The following SEMA3E variants were observed in gnomAD, a reference collection of about 807,000 sequenced individuals.
SEMA3E encodes the protein semaphorin-3E.
In SEMA3E, 49 loss-of-function variants were observed where a neutral mutation model predicts 93.6. The observed-to-expected ratio is 0.52, with a 90% CI of 0.42 to 0.66. The LOEUF (loss-of-function observed/expected upper bound fraction) is 0.66. Among genes scored for constraint, SEMA3E ranks in the 30% least tolerant of loss-of-function variants. SEMA3E has a pLI of 0.00. For missense variants in SEMA3E, 906 were observed against 964.8 expected, an observed-to-expected ratio of 0.94 and a Z score of 0.81; for synonymous variants, 363 against 330.7, an observed-to-expected ratio of 1.10 and a Z score of -1.06.
At chr7:83,458,973 G>A (rs2465296) in intron 4 of SEMA3E, among the ~76,000 whole-genome samples, 126 of 140,600 alleles carry the variant, frequency 9.0e-4, no homozygotes, top group East Asian at 4.3e-3. Flanking sequence ...GTGTGTGTGT[G>A]TATATATATA....
intron 6 of SEMA3E, among the ~76,000 whole-genome samples, 198 bp from the exon 7 acceptor site, chr7:83,407,437 C>T (rs1347336683): frequency 6.6e-6 from 1 of 151,788 alleles, no homozygotes; most frequent in African/African-American, 2.4e-5. Context: ...TATTAACAGC[C>T]CTTTTAGAAA....
At position 83,407,119 on chromosome 7, in the gene SEMA3E, G is replaced by C. The variant is rs770599798; in HGVS notation, c.791C>G (p.Thr264Ser). The change falls in exon 7 of 17, where the codon ACC becomes AGC. Residue 264 changes from threonine (T) to serine (S), a missense_variant. Thr to Ser is a moderately conservative substitution (Grantham distance 58). Transcript: ENST00000643230. ...CACCACACAGAGTCGCCCGACCCTGGTGTAAATTGCGTGAGCATTGTTTTC... is the reference window on the plus strand; with the variant it reads ...CACCACACAGAGTCGCCCGACCCTGCTGTAAATTGCGTGAGCATTGTTTTC... ...EAENNAHAIY[T>S]RVGRLCVNDV... 1.9e-6 allele frequency: 3 copies of C among 1,613,500 alleles called. No homozygotes were observed. Among genetic ancestry groups the C allele is most frequent in the Non-Finnish European group, 1.7e-6 (2 of 1,179,746 alleles).
At chr7:83,456,622 A>ATTTAT (rs10667838) in intron 4 of SEMA3E, among the ~76,000 whole-genome samples, 49,135 of 145,312 alleles carry the variant, frequency 0.34, 8,936 homozygotes, top group East Asian at 0.45. Flanking sequence ...TTATTTATTT[A>ATTTAT]TTATTTTTGA....
At chr7:83,437,599 GA>G (rs1285958916) in intron 4 of SEMA3E, among the ~76,000 whole-genome samples, 2 of 151,934 alleles carry the variant, frequency 1.3e-5, no homozygotes, top group Non-Finnish European at 2.9e-5. Flanking sequence ...CAGAGAGAAG[GA>G]AACTCAAATG....
At chr7:83,450,978 C>T (rs1311020876) in intron 4 of SEMA3E, among the ~76,000 whole-genome samples, 2 of 151,694 alleles carry the variant, frequency 1.3e-5, no homozygotes, top group Non-Finnish European at 2.9e-5. Context: ...TCCCATAATC[C>T]CCCTGGTCAT....
intron 1 of SEMA3E, among the ~76,000 whole-genome samples, chr7:83,567,106 G>T (rs992795844): frequency 6.6e-5 from 10 of 152,088 alleles, no homozygotes; most frequent in African/African-American, 2.2e-4. Context: ...GCAAACAAGG[G>T]TAGCTTTGCT....
At chr7:83,470,700 T>C (rs1052128382) in intron 2 of SEMA3E, among the ~76,000 whole-genome samples, 27 of 152,280 alleles carry the variant, frequency 1.8e-4, no homozygotes, top group Middle Eastern at 3.4e-3. Context: ...TTTGTGCATA[T>C]ATTTCTAATT....
intron 1 of SEMA3E, among the ~76,000 whole-genome samples, chr7:83,512,464 A>G (rs570384720): frequency 1.3e-5 from 2 of 152,344 alleles, no homozygotes; most frequent in South Asian, 2.1e-4. Flanking sequence ...TACTGTGTGC[A>G]TACATGCTGA....
chr7:83,451,665 C>G (rs1442239704), intron 4 of SEMA3E, among the ~76,000 whole-genome samples: 3 of 152,290 alleles, frequency 2.0e-5, no homozygotes, highest in Non-Finnish European at 4.4e-5. Flanking sequence ...CTGTGGAATA[C>G]TGTTAAGCAC....
At chr7:83,527,995 C>T (rs892179596) in intron 1 of SEMA3E, among the ~76,000 whole-genome samples, 1 of 151,862 alleles carries the variant, frequency 6.6e-6, no homozygotes, top group Non-Finnish European at 1.5e-5. Context: ...CGTTATAACC[C>T]ATGTCTATAC....
chr7:83,640,352 A>C (rs1793980730), intron 1 of SEMA3E, among the ~76,000 whole-genome samples: 5 of 152,162 alleles, frequency 3.3e-5, no homozygotes, highest in Admixed American at 2.0e-4. Flanking sequence ...TACATCAATA[A>C]TATTTTAACT....
At chr7:83,435,706 T>C (rs1332409687) in intron 4 of SEMA3E, among the ~76,000 whole-genome samples, 1 of 152,202 alleles carries the variant, frequency 6.6e-6, no homozygotes, top group South Asian at 2.1e-4. Context: ...CTGTATATTC[T>C]AACAAAAATA....
chr7:83,534,043 C>T (rs1210826437), intron 1 of SEMA3E, among the ~76,000 whole-genome samples: 1 of 152,190 alleles, frequency 6.6e-6, no homozygotes, highest in Admixed American at 6.5e-5. Context: ...CATTTTTAAG[C>T]TTCTGCCAAT....
At chr7:83,380,155 T>A (rs978657978) in intron 16 of SEMA3E, among the ~76,000 whole-genome samples, 1 of 151,870 alleles carries the variant, frequency 6.6e-6, no homozygotes, top group Non-Finnish European at 1.5e-5. Context: ...ACACAGACAC[T>A]CAAACAATAA....
intron 4 of SEMA3E, among the ~76,000 whole-genome samples, chr7:83,466,011 C>T (rs1021703149): frequency 2.0e-5 from 3 of 152,076 alleles, no homozygotes; most frequent in Non-Finnish European, 2.9e-5. Context: ...TTGAAATCTT[C>T]CCTCCTCCTG....
chr7:83,623,759 T>A (rs1793611810), intron 1 of SEMA3E, among the ~76,000 whole-genome samples: 1 of 152,036 alleles, frequency 6.6e-6, no homozygotes, highest in Admixed American at 6.6e-5. Context: ...CCTTTTTTAT[T>A]TTACATGTGC....
chr7:83,511,417 C>T (rs1337161780), intron 1 of SEMA3E, among the ~76,000 whole-genome samples: 1 of 151,860 alleles, frequency 6.6e-6, no homozygotes, highest in Non-Finnish European at 1.5e-5. Flanking sequence ...CCAATGATTA[C>T]AGTCCTCTAT....
At chr7:83,440,185 C>G (rs1273030777) in intron 4 of SEMA3E, among the ~76,000 whole-genome samples, 1 of 152,086 alleles carries the variant, frequency 6.6e-6, no homozygotes, top group African/African-American at 2.4e-5. Flanking sequence ...ACTGTGTTTT[C>G]TGGGCTCAAC....
rs750127941 is a variant in SEMA3E, at chr7:83,392,553, A to C, written c.1667+2T>G. The C allele has an allele frequency of 6.2e-7, 1 of 1,613,050 alleles. No individual in the cohort carries two copies. Among genetic ancestry groups the C allele is most frequent in the Non-Finnish European group, 8.5e-7 (1 of 1,179,624 alleles). Reference sequence around the variant, plus strand: ...AATAGTTAATCAGGTAGCACGTCTCACCTTTTTGCATGTGTGCCTGTTGGG... The same window carrying C: ...AATAGTTAATCAGGTAGCACGTCTCCCCTTTTTGCATGTGTGCCTGTTGGG... On this transcript the variant is annotated splice_donor_variant, in intron 14 of 16. Coordinates refer to ENST00000643230, the MANE Select transcript of SEMA3E (RefSeq NM_012431.3). LOFTEE classifies it high-confidence loss of function.
Sources: gnomAD v4.1 joint callset for allele counts (sites outside exome capture counted in the v4.1 genomes callset) on GRCh38, gnomAD v4.1.1 for gene constraint, MANE v1.5 for transcripts, NCBI Gene and HGNC (gene_info 2026-07-23, HGNC 2026-07-21) for gene names.